The following ALDH16A1 variants were observed in gnomAD, a reference collection of about 807,000 sequenced individuals.
ALDH16A1 encodes aldehyde dehydrogenase family 16 member A1.
ALDH16A1 carries 88 observed loss-of-function variants against 96.1 expected under a neutral mutation model. The observed-to-expected ratio is 0.92, with a 90% CI of 0.77 to 1.09. ALDH16A1 has a LOEUF of 1.09. ALDH16A1 is among the 50% of genes least tolerant of loss of function. ALDH16A1 has a pLI of 0.00. For synonymous variants in ALDH16A1, 522 were observed against 496.4 expected, an observed-to-expected ratio of 1.05 and a Z score of -0.69; for missense variants, 1,250 against 1,112.6, an observed-to-expected ratio of 1.12 and a Z score of -1.76.
rs779488555 is a variant in ALDH16A1 at position 49,459,836 on chromosome 19, TG to T, written c.490del (p.Glu164SerfsTer5). 1.2e-6 allele frequency: 2 copies of T among 1,613,256 alleles called. No homozygotes were observed. Among genetic ancestry groups the T allele is most frequent in the Admixed American group, 3.3e-5 (2 of 59,958 alleles). ...ASTQEEALAG[W>X]EPMGVIGLIL... ...CACCCAGGAGGAGGCACTGGCAGGC[TG>T]GGAGCCCATGGGTGAGACCCTGGAG... On this transcript the variant is annotated frameshift_variant, in exon 4 of 17. Coordinates refer to ENST00000293350, the MANE Select transcript of ALDH16A1 (RefSeq NM_153329.4). LOFTEE classifies it high-confidence loss of function. The surrounding 1 kb of genome is among the most constrained non-coding windows in gnomAD (Gnocchi z 4.1).
chr19:49,453,346 T>G lies in ALDH16A1; in HGVS notation c.15T>G (p.Arg5=), dbSNP rs1601011382. Residue 5 remains arginine (R), a synonymous_variant, in exon 1 of 17, where the codon CGT becomes CGG. Coordinates refer to ENST00000293350, the MANE Select transcript of ALDH16A1 (RefSeq NM_153329.4). MAAT[R]AGPRAREIFT... is the part of the protein sequence containing the mutation. ...CGGGGTAGGCGATGGCTGCGACGCG[T>G]GCAGGGCCCCGCGCCCGCGAGATCT... is the stretch of plus-strand genomic sequence containing the variant. 3 of 1,567,952 alleles carry G rather than the reference T, an allele frequency of 1.9e-6. No homozygotes were observed. The East Asian group carries it at 7.0e-5, about 37-fold the overall frequency.
chr19:49,463,949 G>A lies in ALDH16A1; in HGVS notation c.1194G>A (p.Glu398=). ...LPPASPCAQV[E]VPWPVVVASP... is the part of the protein sequence containing the mutation. ...CAGCCTCCCCATGTGCCCAGGTGGA[G>A]GTGAGACCCTTAAGGCTGCAGAGCT... is the stretch of plus-strand genomic sequence containing the variant. Residue 398 remains glutamate, a splice_region_variant and synonymous_variant, in exon 9 of 17, where the codon GAG becomes GAA. Transcript: ENST00000293350. 1.2e-6 allele frequency: 2 copies of A among 1,608,012 alleles called. No individual in the cohort carries two copies. The highest frequency in any genetic ancestry group is 1.1e-5 in the South Asian group (1 of 90,188).
In ALDH16A1 at chr19:49,464,531, A is replaced by G. The variant is rs2079181819; in HGVS notation, c.1437+9A>G. 6.2e-7 allele frequency: 1 copy of G among 1,613,304 alleles called. No homozygotes were observed. Among genetic ancestry groups the G allele is most frequent in the African/African-American group, 1.3e-5 (1 of 74,852 alleles). ...GGCACGGGGGCCCAGACGTGAGTAC[A>G]TCCCCTCCCCGTCACCAGCCCCCCC... On this transcript the variant is annotated intron_variant, in intron 11 of 16. Transcript: ENST00000293350.
chr19:49,464,111 C>A lies in ALDH16A1; in HGVS notation c.1195-16C>A. On this transcript the variant is annotated splice_polypyrimidine_tract_variant and intron_variant, in intron 9 of 16. Coordinates refer to ENST00000293350, the MANE Select transcript of ALDH16A1 (RefSeq NM_153329.4). ...GTGGGCCCTGGAGGGCTGAGCCTCC[C>A]GGTCACCCCTTGCAGGTGCCGTGGC... 1 of 1,603,004 alleles carries A rather than the reference C, an allele frequency of 6.2e-7. No individual in the cohort carries two copies. The highest frequency in any genetic ancestry group is 2.2e-5 in the East Asian group (1 of 44,706).
At position 49,453,273 on chromosome 19, in the gene ALDH16A1, A is replaced by C; in HGVS notation, c.-59A>C. The C allele has an allele frequency of 6.9e-7, 1 of 1,448,900 alleles. No individual in the cohort carries two copies. Among genetic ancestry groups the C allele is most frequent in the Non-Finnish European group, 9.3e-7 (1 of 1,080,926 alleles). The allele number at this position is 1,448,900 out of a possible 1,614,324, so 89.8% of individuals were successfully genotyped here. A position where few individuals can be genotyped will look rare whatever the true frequency, so the allele number is the denominator to read the frequency against. On this transcript the variant is annotated 5_prime_UTR_variant, in exon 1 of 17. Coordinates refer to ENST00000293350, the MANE Select transcript of ALDH16A1 (RefSeq NM_153329.4). ...CCGGAGGTGTCGCTCTTCGGACCTC[A>C]AGGTTCCCCTTAACACAGAGCGCCC...
Position 49,468,308 on chromosome 19 carries a change from T to G in ALDH16A1, c.1939-73T>G. On this transcript the variant is annotated intron_variant, in intron 14 of 16. Coordinates refer to ENST00000293350, the MANE Select transcript of ALDH16A1 (RefSeq NM_153329.4). The surrounding 1 kb of genome is among the most constrained non-coding windows in gnomAD (Gnocchi z 4.4). The stretch of plus-strand genomic sequence containing the variant: ...CCAACACCAAGTGTTGGGGAGAATG[T>G]AGAGGAACTGGATCTCTCATTTACT... 1 of 1,485,204 alleles carries G rather than the reference T, an allele frequency of 6.7e-7. No individual in the cohort carries two copies. Among genetic ancestry groups the G allele is most frequent in the Non-Finnish European group, 9.1e-7 (1 of 1,097,844 alleles). 92.0% of individuals were successfully genotyped at this position (1,485,204 alleles called of 1,614,324 possible).
At chr19:49,464,100 G>A (rs750307829) in intron 9 of ALDH16A1, 27 bp from the exon 10 acceptor site, 1 of 1,600,826 alleles carries the variant, frequency 6.2e-7, no homozygotes, top group South Asian at 1.1e-5. Context: ...GCCCTGGAGG[G>A]CTGAGCCTCC....
In ALDH16A1 at chr19:49,462,767, G is replaced by T. The variant is rs1214124430; in HGVS notation, c.1098+12G>T. 7.7e-6 allele frequency: 12 copies of T among 1,556,210 alleles called. No homozygotes were observed. Among genetic ancestry groups the T allele is most frequent in the Middle Eastern group, 2.4e-4 (1 of 4,232 alleles). On this transcript the variant is annotated intron_variant, in intron 8 of 16. Transcript: ENST00000293350. ...GCCAGGGTGCACAGGTGAGGCAGGG[G>T]GTAGAGACTTGAGGGTGTCAGGGGA...
chr19:49,462,697 C>T lies in ALDH16A1; in HGVS notation c.1040C>T (p.Ala347Val), dbSNP rs1217256117. 5.0e-6 allele frequency: 8 copies of T among 1,607,118 alleles called. No homozygotes were observed. In the Middle Eastern group the frequency reaches 8.8e-4, roughly 177 times the overall value. Reference sequence around the variant, plus strand: ...GCCGTGGACATGGGGGCCCGGGGGGCTGCCGCATGTGACCTGGTCCAGCGC... The same window carrying T: ...GCCGTGGACATGGGGGCCCGGGGGGTTGCCGCATGTGACCTGGTCCAGCGC... ...DGAVDMGARG[A>V]AACDLVQRFV... is the part of the protein sequence containing the mutation. The change falls in exon 8 of 17, where the codon GCT (alanine) becomes GTT (valine). Residue 347 changes from alanine (A) to valine (V), a missense_variant. By Grantham distance (64) the Ala-to-Val change is moderately conservative. Coordinates refer to ENST00000293350, the MANE Select transcript of ALDH16A1 (RefSeq NM_153329.4).
chr19:49,468,139 G>A lies in ALDH16A1; in HGVS notation c.1939-242G>A, dbSNP rs111759744. Reference sequence around the variant, plus strand: ...CGCACCACTGCACTCTAGCCAGGGCGACAGAGTGAGAGTCCGTCTCAAAAA... The same window carrying A: ...CGCACCACTGCACTCTAGCCAGGGCAACAGAGTGAGAGTCCGTCTCAAAAA... On this transcript the variant is annotated intron_variant, in intron 14 of 16. Transcript: ENST00000293350. This position sits in a 1 kb window ranked among gnomAD's most constrained non-coding sequence, Gnocchi z 4.4. Among the ~76,000 whole-genome samples, 5 of 143,188 alleles carry A rather than the reference G, an allele frequency of 3.5e-5. No individual in the cohort carries two copies. Among genetic ancestry groups the A allele is most frequent in the Admixed American group, 1.4e-4 (2 of 14,218 alleles). 93.9% of individuals were successfully genotyped at this position (143,188 alleles called of 152,430 possible).
rs759383192 is a variant in ALDH16A1, at chr19:49,465,853, G to A, written c.1684G>A (p.Gly562Arg). The A allele has an allele frequency of 7.4e-6, 12 of 1,614,020 alleles. No individual in the cohort carries two copies. The highest frequency in any genetic ancestry group is 3.3e-5 in the Admixed American group (2 of 59,990). ...CCTCCATGGCTACGTGGCTGAGGGT[G>A]GAGCCAAGGACATCCGAGGTGCTGT... Reference protein sequence around the residue: ...GNLHGYVAEGGAKDIRGAVEA... With the variant: ...GNLHGYVAEGRAKDIRGAVEA... The change falls in exon 13 of 17, where the codon GGA becomes AGA. Residue 562 changes from glycine (G) to arginine (R), a missense_variant. By Grantham distance (125) the Gly-to-Arg change is moderately radical (BLOSUM62 -2). Coordinates refer to ENST00000293350, the MANE Select transcript of ALDH16A1 (RefSeq NM_153329.4).
rs2079236548 is a variant in ALDH16A1 at position 49,470,456 on chromosome 19, A to G, written c.2398A>G (p.Met800Val). ...GCGGACCAAGGCCCTGTGGCTGCCTATGGGGGACTGATGCCTGAGCGCCAC... is the reference window on the plus strand; with the variant it reads ...GCGGACCAAGGCCCTGTGGCTGCCTGTGGGGGACTGATGCCTGAGCGCCAC... ...VARTKALWLPMGD is the reference protein window; with the variant it reads ...VARTKALWLPVGD The change falls in exon 17 of 17, where the codon ATG becomes GTG. Residue 800 changes from methionine to valine, a missense_variant. By Grantham distance (21) the Met-to-Val change is conservative. Coordinates refer to ENST00000293350, the MANE Select transcript of ALDH16A1 (RefSeq NM_153329.4). The G allele has an allele frequency of 1.9e-6, 3 of 1,580,610 alleles. No individual in the cohort carries two copies. Among genetic ancestry groups the G allele is most frequent in the Non-Finnish European group, 2.6e-6 (3 of 1,165,774 alleles).
chr19:49,453,356 C>T lies in ALDH16A1; in HGVS notation c.25C>T (p.Arg9Cys). MAATRAGPRAREIFTSLEY... is the reference protein window; with the variant it reads MAATRAGPCAREIFTSLEY... ...GATGGCTGCGACGCGTGCAGGGCCCCGCGCCCGCGAGATCTTCACCTCGCT... is the reference window on the plus strand; with the variant it reads ...GATGGCTGCGACGCGTGCAGGGCCCTGCGCCCGCGAGATCTTCACCTCGCT... The change falls in exon 1 of 17, where the codon CGC (arginine) becomes TGC (cysteine). Residue 9 changes from arginine to cysteine, a missense_variant. By Grantham distance (180) the Arg-to-Cys change is radical. Coordinates refer to ENST00000293350, the MANE Select transcript of ALDH16A1 (RefSeq NM_153329.4). 6.4e-7 allele frequency: 1 copy of T among 1,551,554 alleles called. No homozygotes were observed. Among genetic ancestry groups the T allele is most frequent in the Non-Finnish European group, 8.7e-7 (1 of 1,150,748 alleles).
chr19:49,455,402 G>A (rs1422461276), intron 1 of ALDH16A1, among the ~76,000 whole-genome samples: 1 of 139,818 alleles, frequency 7.2e-6, no homozygotes, highest in African/African-American at 2.7e-5. Context: ...GGCAACAAGA[G>A]CAAAACTCCA....
rs61732837 is a variant in ALDH16A1, at chr19:49,453,352, G to A, written c.21G>A (p.Gly7=). Residue 7 remains glycine (G), a synonymous_variant, in exon 1 of 17, where the codon GGG becomes GGA. Coordinates refer to ENST00000293350, the MANE Select transcript of ALDH16A1 (RefSeq NM_153329.4). The part of the protein sequence containing the change: MAATRA[G]PRAREIFTSL... ...AGGCGATGGCTGCGACGCGTGCAGG[G>A]CCCCGCGCCCGCGAGATCTTCACCT... is the stretch of plus-strand genomic sequence containing the variant. The A allele has an allele frequency of 1.5e-3, 2,325 of 1,554,944 alleles. 26 individuals carry two copies. The African/African-American group carries it at 0.029, about 20-fold the overall frequency.
chr19:49,460,794 A>G lies in ALDH16A1; in HGVS notation c.500-28A>G, dbSNP rs1436855397. The stretch of plus-strand genomic sequence containing the variant: ...GGACTTAAACACCTAGCCTCAAGGG[A>G]TCCTCTTGCCTCATTTTTTTCTTGC... On this transcript the variant is annotated intron_variant, in intron 4 of 16. Coordinates refer to ENST00000293350, the MANE Select transcript of ALDH16A1 (RefSeq NM_153329.4). The G allele has an allele frequency of 3.8e-6, 6 of 1,569,896 alleles. No individual in the cohort carries two copies. In the South Asian group the frequency reaches 6.6e-5, roughly 17 times the overall value.
rs10422648 is a variant in ALDH16A1 at position 49,464,656 on chromosome 19, T to A, written c.1462T>A (p.Ser488Thr). ...GGGGCTGTATGAGTATCTGCGGCCC[T>A]CAGGGACCCCTGCCCGGCTGTCCTG... Reference protein sequence around the residue: ...PDGLYEYLRPSGTPARLSCLS... With the variant: ...PDGLYEYLRPTGTPARLSCLS... Residue 488 changes from serine to threonine, a missense_variant, in exon 12 of 17, where the codon TCA becomes ACA. Ser to Thr is a moderately conservative substitution (Grantham distance 58). Transcript: ENST00000293350. The A allele has an allele frequency of 6.6e-4, 1,070 of 1,614,100 alleles. 2 individuals are homozygous for A. In the African/African-American group the frequency reaches 0.011, roughly 17 times the overall value.
rs554929719 is a variant in ALDH16A1 at position 49,462,681 on chromosome 19, A to G, written c.1024A>G (p.Met342Val). 1.3e-5 allele frequency: 21 copies of G among 1,609,600 alleles called. No individual in the cohort carries two copies. Among genetic ancestry groups the G allele is most frequent in the Admixed American group, 5.1e-5 (3 of 59,136 alleles). Residue 342 changes from methionine (M) to valine (V), a missense_variant, in exon 8 of 17, where the codon ATG becomes GTG. Transcript: ENST00000293350. ...SGRGLDGAVDMGARGAAACDL... is the reference protein window; with the variant it reads ...SGRGLDGAVDVGARGAAACDL... ...CCGAGGGCTGGATGGGGCCGTGGAC[A>G]TGGGGGCCCGGGGGGCTGCCGCATG...
chr19:49,462,027 C>A lies in ALDH16A1; in HGVS notation c.903C>A (p.Asp301Glu), dbSNP rs2122392687. The A allele has an allele frequency of 6.5e-7, 1 of 1,541,580 alleles. No homozygotes were observed. The highest frequency in any genetic ancestry group is 8.7e-7 in the Non-Finnish European group (1 of 1,147,896). Residue 301 changes from aspartate (D) to glutamate (E), a missense_variant, in exon 7 of 17, where the codon GAC becomes GAA. Physicochemically the swap from Asp to Glu is conservative, Grantham distance 45. Transcript: ENST00000293350. ...VEGVVDAAWS[D>E]RGPGGLRLLI... Reference sequence around the variant, plus strand: ...GTGTCGTGGACGCCGCCTGGTCCGACCGCGGCCCGGTGAGACCCGTGCGCT... The same window carrying A: ...GTGTCGTGGACGCCGCCTGGTCCGAACGCGGCCCGGTGAGACCCGTGCGCT...
Sources: gnomAD v4.1 joint callset for allele counts (sites outside exome capture counted in the v4.1 genomes callset) on GRCh38, gnomAD v4.1.1 for gene constraint, Gnocchi (gnomAD v3.1) non-coding constraint, MANE v1.5 for transcripts, NCBI Gene and HGNC (gene_info 2026-07-23, HGNC 2026-07-21) for gene names.